Variants in EMC4 observed in about 807,000 individuals in gnomAD.
EMC4 encodes the protein ER membrane protein complex subunit 4, also known as cell proliferation-inducing gene 17 protein.
EMC4 carries 9 observed loss-of-function variants against 24.2 expected under a neutral mutation model. That is an observed-to-expected ratio of 0.37 (90% CI 0.22 to 0.65). The LOEUF is 0.65. Among genes scored for constraint, EMC4 ranks in the 30% least tolerant of loss-of-function variants. The pLI is 0.59. For synonymous variants in EMC4, 86 were observed against 81.1 expected, an observed-to-expected ratio of 1.06 and a Z score of -0.32; for missense variants, 169 against 234.6, an observed-to-expected ratio of 0.72 and a Z score of 1.83.
chr15:34,229,402 CAT>C (rs1595384487), intron 4 of EMC4: 1 of 193,934 alleles, frequency 5.2e-6, no homozygotes, highest in East Asian at 1.5e-4. Context: ...GGAGTGCAGT[CAT>C]GTGATCATGG....
chr15:34,227,735 A>G lies in EMC4; in HGVS notation c.244A>G (p.Met82Val), dbSNP rs767720125. The change falls in exon 3 of 5, where the codon ATG (methionine) becomes GTG (valine). Residue 82 changes from methionine (M) to valine (V), a missense_variant. By Grantham distance (21) the Met-to-Val change is conservative. Coordinates refer to ENST00000267750, the MANE Select transcript of EMC4 (RefSeq NM_016454.4). ...CTTGGGTCCCCTCAAACAGATTCCC[A>G]TGAATCTCTTCATCATGTACATGGC... ...IALGPLKQIP[M>V]NLFIMYMAGN... 6.2e-7 allele frequency: 1 copy of G among 1,614,108 alleles called. No individual in the cohort carries two copies. The highest frequency in any genetic ancestry group is 1.7e-5 in the Admixed American group (1 of 60,026).
intron 2 of EMC4, chr15:34,226,188 G>A (rs377079105): frequency 1.6e-4 from 29 of 176,118 alleles, no homozygotes; most frequent in Non-Finnish European, 3.2e-4. Flanking sequence ...CACCGCGCTC[G>A]GCCCGGGGCT....
chr15:34,225,799 T>C, intron 2 of EMC4, 149 bp downstream of exon 2: 2 of 708,156 alleles, frequency 2.8e-6, no homozygotes, highest in Non-Finnish European at 5.1e-6. Flanking sequence ...GTATTTTATA[T>C]ATCAGCTACA....
At chr15:34,229,595 A>G (rs918111099) in intron 4 of EMC4, 158 bp from the exon 5 acceptor site, 1 of 592,458 alleles carries the variant, frequency 1.7e-6, no homozygotes, top group African/African-American at 1.9e-5. Flanking sequence ...GGCCTCCCAA[A>G]GTGTTTAGCT....
rs1464883250 is a variant in EMC4 at position 34,225,849 on chromosome 15, C to G, written c.201+199C>G. On this transcript the variant is annotated intron_variant, in intron 2 of 4. Coordinates refer to ENST00000267750, the MANE Select transcript of EMC4 (RefSeq NM_016454.4). ...TTTGAAAAATAGAAGATGTTTGGAA[C>G]ATAAGGTATAAGAAAGTAGGTTGAA... The G allele has an allele frequency of 4.7e-6, 3 of 639,926 alleles. No individual in the cohort carries two copies. The African/African-American group carries it at 5.4e-5, about 12-fold the overall frequency. 39.6% of individuals were successfully genotyped at this position (639,926 alleles called of 1,614,324 possible). A position where few individuals can be genotyped will look rare whatever the true frequency, so the allele number is the denominator to read the frequency against.
At chr15:34,227,359 G>A (rs961159985) in intron 2 of EMC4, 5 of 184,330 alleles carry the variant, frequency 2.7e-5, no homozygotes, top group African/African-American at 1.2e-4. Context: ...CCATTATGTG[G>A]ATTTATCTAT....
chr15:34,228,035 T>C, intron 3 of EMC4, 189 bp downstream of exon 3: 1 of 528,304 alleles, frequency 1.9e-6, no homozygotes, highest in Non-Finnish European at 3.3e-6. Flanking sequence ...ATGCAAAAAT[T>C]AGCTGGGCGT....
chr15:34,228,351 G>C (rs759207268), intron 3 of EMC4, 78 bp from the exon 4 acceptor site: 2 of 1,479,074 alleles, frequency 1.4e-6, no homozygotes, highest in Non-Finnish European at 1.9e-6. Context: ...CTGTCTATAT[G>C]AATTTAATAT....
intron 4 of EMC4, 97 bp downstream of exon 4, chr15:34,228,686 C>CT (rs71119951): frequency 0.01 from 3,119 of 299,452 alleles, 3 homozygotes; most frequent in African/African-American, 0.015. Context: ...ATTTGAGTTT[C>CT]TTTTTTTTTT....
At chr15:34,225,419 T>C in intron 1 of EMC4, 117 bp from the exon 2 acceptor site, 1 of 856,390 alleles carries the variant, frequency 1.2e-6, no homozygotes, top group Admixed American at 2.0e-5. Flanking sequence ...CGAGGGGGCT[T>C]GGTCTAATCT....
intron 3 of EMC4, chr15:34,228,188 AAAGG>A: frequency 1.9e-6 from 1 of 515,222 alleles, no homozygotes; most frequent in Non-Finnish European, 3.5e-6. Flanking sequence ...ATCTCAAAAA[AAAGG>A]AAGAATTAAA....
chr15:34,229,804 G>C lies in EMC4; in HGVS notation c.*16G>C, dbSNP rs756456891. On this transcript the variant is annotated 3_prime_UTR_variant, in exon 5 of 5. Transcript: ENST00000267750. ...GCTTTTGTGAACATGAGAAAGCAGC[G>C]CCTGGTCCCTATGTATTTGGGTCTT... 1.3e-5 allele frequency: 21 copies of C among 1,612,460 alleles called. No individual in the cohort carries two copies. Among genetic ancestry groups the C allele is most frequent in the Middle Eastern group, 1.7e-4 (1 of 6,054 alleles).
Position 34,229,868 on chromosome 15 carries a change from A to T in EMC4, c.*80A>T. On this transcript the variant is annotated 3_prime_UTR_variant, in exon 5 of 5. Transcript: ENST00000267750. The stretch of plus-strand genomic sequence containing the variant: ...TTTAAGCCCAGTGGCTCCTCAGCAT[A>T]CTCTTAAACTAATCACTTATGTTAA... 2.4e-6 allele frequency: 3 copies of T among 1,274,488 alleles called. No individual in the cohort carries two copies. Among genetic ancestry groups the T allele is most frequent in the Non-Finnish European group, 2.3e-6 (2 of 871,552 alleles). 78.9% of individuals were successfully genotyped at this position (1,274,488 alleles called of 1,614,324 possible).
intron 3 of EMC4, 43 bp from the exon 4 acceptor site, chr15:34,228,386 G>A (rs765784534): frequency 1.9e-6 from 3 of 1,603,818 alleles, no homozygotes; most frequent in Non-Finnish European, 2.6e-6. Flanking sequence ...TCGTATTGGG[G>A]GAAAGAGTTC....
chr15:34,228,854 T>C (rs1021019896), intron 4 of EMC4: 2 of 266,984 alleles, frequency 7.5e-6, no homozygotes, highest in Non-Finnish European at 1.4e-5. Flanking sequence ...CCAGCTAATT[T>C]TTTTGTATCT....
chr15:34,225,191 G>C lies in EMC4; in HGVS notation c.77G>C (p.Gly26Ala). Residue 26 changes from glycine (G) to alanine (A), a missense_variant, in exon 1 of 5, where the codon GGA becomes GCA. Gly to Ala is a moderately conservative substitution (Grantham distance 60). Coordinates refer to ENST00000267750, the MANE Select transcript of EMC4 (RefSeq NM_016454.4). Reference protein sequence around the residue: ...KWAIELSGPGGGSRGRSDRGS... With the variant: ...KWAIELSGPGAGSRGRSDRGS... ...GCCATTGAGCTAAGCGGGCCTGGAG[G>C]AGGCAGCAGGTGAGGCACCTGGGCA... The C allele has an allele frequency of 6.4e-7, 1 of 1,550,458 alleles. No homozygotes were observed. The highest frequency in any genetic ancestry group is 2.0e-5 in the Admixed American group (1 of 50,698).
intron 2 of EMC4, 30 bp downstream of exon 2, chr15:34,225,680 A>G (rs1350448151): frequency 1.3e-6 from 2 of 1,539,140 alleles, no homozygotes; most frequent in Admixed American, 1.7e-5. Context: ...ACCGTAGCCC[A>G]TGGGCCAGTC....
intron 2 of EMC4, 50 bp from the exon 3 acceptor site, chr15:34,227,643 T>G: frequency 1.3e-6 from 2 of 1,579,824 alleles, no homozygotes; most frequent in South Asian, 1.1e-5. Flanking sequence ...ATGGCAAATG[T>G]GGGACTAAGG....
Position 34,225,078 on chromosome 15 carries a change from CTG to C in EMC4, c.-36_-35del. On this transcript the variant is annotated 5_prime_UTR_variant, in exon 1 of 5. Transcript: ENST00000267750. ...GGCCTGTTGTGGAGTACGCTTTGGA[CTG>C]AGAAGCATCGAGGCTATAGGACGCA... 6.6e-7 allele frequency: 1 copy of C among 1,520,622 alleles called. No individual in the cohort carries two copies. The allele number at this position is 1,520,622 out of a possible 1,614,324, so 94.2% of individuals were successfully genotyped here.
Sources: allele counts gnomAD v4.1 joint callset, GRCh38; gene constraint gnomAD v4.1.1; transcripts MANE v1.5; gene names NCBI Gene and HGNC (gene_info 2026-07-23, HGNC 2026-07-21).